MMP26: variants seen among roughly 807,000 people sequenced by gnomAD.
The protein encoded by MMP26 is matrix metalloproteinase-26.
A neutral mutation model predicts 31.0 loss-of-function variants in MMP26; 33 were observed. The observed-to-expected ratio is 1.06, with a 90% CI of 0.81 to 1.42. The LOEUF (loss-of-function observed/expected upper bound fraction) is 1.42. Ranked by LOEUF, MMP26 falls within the 40% of genes most tolerant of loss-of-function variation. The pLI, the probability that MMP26 is intolerant of heterozygous loss-of-function variation, is 0.00. For synonymous variants in MMP26, 122 were observed against 114.9 expected (o/e 1.06, Z -0.40); for missense variants, 347 against 316.1 (o/e 1.10, Z -0.74).
At chr11:4,760,648 T>C (rs749554529) in intron 1 of MMP26, among the ~76,000 whole-genome samples, 2 of 152,212 alleles carry the variant, frequency 1.3e-5, no homozygotes, top group African/African-American at 2.4e-5. Flanking sequence ...TTAGAGTGAA[T>C]GACTTATTGA....
At chr11:4,903,683 C>G (rs1455516503) in intron 2 of MMP26, 1 of 152,062 alleles carries the variant, frequency 6.6e-6, no homozygotes, top group African/African-American at 2.4e-5. Flanking sequence ...AGCTTGATTA[C>G]TCTCAAGGGT....
intron 2 of MMP26, among the ~76,000 whole-genome samples, chr11:4,956,240 C>T (rs1363895535): frequency 6.6e-6 from 1 of 152,122 alleles, no homozygotes; most frequent in Admixed American, 6.6e-5. Context: ...GATATACAAA[C>T]CCAAGGCATT....
At chr11:4,805,231 T>C (rs563687280) in intron 2 of MMP26, among the ~76,000 whole-genome samples, 1 of 152,350 alleles carries the variant, frequency 6.6e-6, no homozygotes, top group Non-Finnish European at 1.5e-5. Flanking sequence ...TCTAGGTCAG[T>C]TACCACAAGG....
intron 2 of MMP26, among the ~76,000 whole-genome samples, chr11:4,851,045 C>G (rs1849968832): frequency 1.3e-5 from 2 of 152,138 alleles, no homozygotes; most frequent in South Asian, 4.1e-4. Context: ...AGGAGGCTAA[C>G]ACATCCTCTC....
At chr11:4,773,815 G>A (rs542566589) in intron 2 of MMP26, among the ~76,000 whole-genome samples, 1 of 152,106 alleles carries the variant, frequency 6.6e-6, no homozygotes, top group South Asian at 2.1e-4. Flanking sequence ...ACGGGCCCCA[G>A]TGTGTGTTGT....
intron 1 of MMP26, among the ~76,000 whole-genome samples, chr11:4,725,273 A>G (rs190402601): frequency 9.8e-5 from 15 of 152,362 alleles, no homozygotes; most frequent in African/African-American, 3.4e-4. Flanking sequence ...TGACTAATAC[A>G]TAGACATAAA....
At chr11:4,931,196 G>A (rs1490485169) in intron 2 of MMP26, among the ~76,000 whole-genome samples, 1 of 152,068 alleles carries the variant, frequency 6.6e-6, no homozygotes, top group African/African-American at 2.4e-5. Context: ...AGTATGAAGA[G>A]CAAAGTGAGA....
At chr11:4,978,428 C>T (rs1271029701) in intron 2 of MMP26, among the ~76,000 whole-genome samples, 2 of 152,016 alleles carry the variant, frequency 1.3e-5, no homozygotes, top group Admixed American at 6.6e-5. Context: ...CTTAGAATGA[C>T]ATGATGCCAT....
intron 1 of MMP26, among the ~76,000 whole-genome samples, chr11:4,759,810 T>C (rs1190874608): frequency 6.6e-6 from 1 of 152,234 alleles, no homozygotes; most frequent in African/African-American, 2.4e-5. Flanking sequence ...GCGTTGTTTC[T>C]CGTCATCTCT....
intron 2 of MMP26, chr11:4,769,494 T>G (rs758122280): frequency 3.5e-5 from 56 of 1,613,728 alleles, no homozygotes; most frequent in Non-Finnish European, 4.5e-5. Context: ...TGAATGATTC[T>G]GGAATTAGTG....
chr11:4,718,351 G>A (rs1847964222), intron 1 of MMP26, among the ~76,000 whole-genome samples: 1 of 152,274 alleles, frequency 6.6e-6, no homozygotes, highest in East Asian at 1.9e-4. Context: ...ACTTAAATAA[G>A]ACGGAATGCT....
In MMP26 at chr11:4,854,127, C is replaced by T. The variant is rs540169096; in HGVS notation, c.-145+86786C>T. Reference sequence around the variant, plus strand: ...CAAGATGGCTGAATAGGAACAGCTCCAGTCTATAGCTCCCAGCATGAGTGA... The same window carrying T: ...CAAGATGGCTGAATAGGAACAGCTCTAGTCTATAGCTCCCAGCATGAGTGA... On this transcript the variant is annotated intron_variant, in intron 2 of 7. Coordinates refer to ENST00000380390, the MANE Select transcript of MMP26 (RefSeq NM_021801.5). Among the ~76,000 whole-genome samples the T allele has an allele frequency of 2.8e-4, 42 of 152,290 alleles. No homozygotes were observed. The South Asian group carries it at 7.7e-3, about 28-fold the overall frequency.
At chr11:4,712,495 T>A (rs902448883) in intron 1 of MMP26, 4 of 152,142 alleles carry the variant, frequency 2.6e-5, no homozygotes, top group African/African-American at 9.7e-5. Flanking sequence ...AAATATAATA[T>A]GCACTCATTT....
chr11:4,926,858 T>C (rs145273002), intron 2 of MMP26, among the ~76,000 whole-genome samples: 447 of 152,294 alleles, frequency 2.9e-3, no homozygotes, highest in African/African-American at 8.4e-3. Context: ...GATTTGGAAC[T>C]TAGTAAAGTC....
chr11:4,733,217 A>C (rs1323039500), intron 1 of MMP26, among the ~76,000 whole-genome samples: 1 of 152,244 alleles, frequency 6.6e-6, no homozygotes, highest in Non-Finnish European at 1.5e-5. Context: ...GATGTCGATT[A>C]CATTACATTT....
At chr11:4,719,866 TA>T (rs1396075811) in intron 1 of MMP26, among the ~76,000 whole-genome samples, 1 of 152,160 alleles carries the variant, frequency 6.6e-6, no homozygotes, top group African/African-American at 2.4e-5. Flanking sequence ...TATTTTGTTT[TA>T]AAAAAATAGA....
intron 2 of MMP26, among the ~76,000 whole-genome samples, chr11:4,785,732 ATGAC>A (rs1848934425): frequency 6.6e-6 from 1 of 152,330 alleles, no homozygotes; most frequent in South Asian, 2.1e-4. Flanking sequence ...GAGGTGATAA[ATGAC>A]TGAAGCAGGA....
chr11:4,740,681 CAA>C (rs761691284), intron 1 of MMP26, among the ~76,000 whole-genome samples: 10,456 of 90,246 alleles, frequency 0.12, 932 homozygotes, highest in African/African-American at 0.29. Flanking sequence ...GAGACTCTGT[CAA>C]AAAAAAAAAA....
intron 1 of MMP26, among the ~76,000 whole-genome samples, chr11:4,722,104 C>A (rs985988034): frequency 1.3e-5 from 2 of 152,166 alleles, no homozygotes; most frequent in South Asian, 2.1e-4. Context: ...AAGCAGAAGT[C>A]GCTATACTTC....
Sources: gnomAD v4.1 joint callset for allele counts (sites outside exome capture counted in the v4.1 genomes callset) on GRCh38, gnomAD v4.1.1 for gene constraint, MANE v1.5 for transcripts, NCBI Gene and HGNC (gene_info 2026-07-23, HGNC 2026-07-21) for gene names.